Variants in NOS2 observed in about 807,000 individuals in gnomAD.
The protein encoded by NOS2 is nitric oxide synthase 2.
NOS2 carries 96 observed loss-of-function variants against 136.0 expected under a neutral mutation model. The observed-to-expected ratio is 0.71, with a 90% CI of 0.60 to 0.84. The LOEUF (loss-of-function observed/expected upper bound fraction) is 0.84. Ranked by LOEUF, NOS2 falls within the 40% of genes least tolerant of loss-of-function variation. The probability of loss-of-function intolerance (pLI) is 0.00; values close to 1 mark genes in which losing one functional copy is unlikely to be tolerated. For missense variants in NOS2, 1,237 were observed against 1,496.9 expected (o/e 0.83, Z 2.87); for synonymous variants, 539 against 587.5 (o/e 0.92, Z 1.20).
intron 3 of NOS2, 117 bp from the exon 4 acceptor site, chr17:27,789,048 G>A (rs1005688751): frequency 3.5e-5 from 47 of 1,358,092 alleles, no homozygotes; most frequent in Admixed American, 7.0e-5. Context: ...GTCCCTCCAC[G>A]TCCCTCCTCT....
chr17:27,757,528 G>A (rs976288105), intron 26 of NOS2, among the ~76,000 whole-genome samples, 175 bp from the exon 27 acceptor site: 5 of 152,154 alleles, frequency 3.3e-5, no homozygotes, highest in African/African-American at 1.2e-4. Context: ...CTGCTCTGGT[G>A]CGGGCCCTCT....
rs367879866 is a variant in NOS2, at chr17:27,782,020, G to A, written c.717C>T (p.Asn239=). The A allele has an allele frequency of 1.2e-6, 2 of 1,613,832 alleles. No individual in the cohort carries two copies. The highest frequency in any genetic ancestry group is 1.7e-6 in the Non-Finnish European group (2 of 1,179,882). ...CCTGGGAAATGTGCACCGACCTGAT[G>A]TTGCCATTGTTGGTGGAGTAACGCA... is the stretch of plus-strand genomic sequence containing the variant. The part of the protein sequence containing the change: ...RHVRYSTNNG[N]IRSAITVFPQ... The change falls in exon 7 of 27, where the codon AAC becomes AAT. Residue 239 remains asparagine, a synonymous_variant. Coordinates refer to ENST00000313735, the MANE Select transcript of NOS2 (RefSeq NM_000625.4).
chr17:27,784,827 G>A (rs919657828), intron 5 of NOS2, among the ~76,000 whole-genome samples: 1 of 152,174 alleles, frequency 6.6e-6, no homozygotes, highest in Non-Finnish European at 1.5e-5. Context: ...TCCCTGTGAG[G>A]AGAGGCTGCC....
chr17:27,780,107 G>T (rs1908794016), intron 9 of NOS2, among the ~76,000 whole-genome samples: 3 of 152,302 alleles, frequency 2.0e-5, no homozygotes, highest in Admixed American at 2.0e-4. Context: ...TAGCTTGAGT[G>T]GTCAGAGAGC....
chr17:27,777,332 G>A (rs1210816983), intron 11 of NOS2, among the ~76,000 whole-genome samples: 1 of 152,230 alleles, frequency 6.6e-6, no homozygotes, highest in Non-Finnish European at 1.5e-5. Context: ...CAATGGCTGT[G>A]GCTTCTAAAG....
In NOS2 at chr17:27,787,790, T is replaced by A; in HGVS notation, c.355A>T (p.Ile119Phe). The A allele has an allele frequency of 6.2e-7, 1 of 1,613,206 alleles. No homozygotes were observed. The highest frequency in any genetic ancestry group is 8.5e-7 in the Non-Finnish European group (1 of 1,179,642). Residue 119 changes from isoleucine (I) to phenylalanine (F), a missense_variant, in exon 5 of 27, where the codon ATT (isoleucine) becomes TTT (phenylalanine). Ile to Phe is a conservative substitution (Grantham distance 21). This residue lies in a region of NOS2 where 440 missense variants were observed against 545.4 expected (regional missense o/e 0.81). Transcript: ENST00000313735. ...TCRSKSCLGS[I>F]MTPKSLTRGP... ...CTGGTCAAACTTTTGGGAGTCATAATGGACCCCAGGCAAGATTTGGACCTG... is the reference window on the plus strand; with the variant it reads ...CTGGTCAAACTTTTGGGAGTCATAAAGGACCCCAGGCAAGATTTGGACCTG...
At chr17:27,789,537 G>C in intron 3 of NOS2, 67 bp downstream of exon 3, 1 of 1,241,244 alleles carries the variant, frequency 8.1e-7, no homozygotes, top group Non-Finnish European at 1.2e-6. Context: ...GCTCTAACAG[G>C]CTGCTATGTC....
intron 17 of NOS2, 131 bp downstream of exon 17, chr17:27,768,846 C>A: frequency 9.7e-7 from 1 of 1,032,838 alleles, no homozygotes; most frequent in Non-Finnish European, 1.4e-6. Flanking sequence ...TGGCCCTGGC[C>A]CATGCCTGGG....
At position 27,769,076 on chromosome 17, in the gene NOS2, C is replaced by T; in HGVS notation, c.1935G>A (p.Leu645=). The change falls in exon 17 of 27, where the codon CTG becomes CTA. Residue 645 remains leucine, a synonymous_variant. Transcript: ENST00000313735. ...TGAGCTGAGAGGCCCCCAGGTGGGA[C>T]AGCTTCTGATCAATGTCATGAGCAA... ...CAFAHDIDQK[L]SHLGASQLTP... is the part of the protein sequence containing the mutation. The T allele has an allele frequency of 6.2e-7, 1 of 1,612,868 alleles. No homozygotes were observed.
intron 3 of NOS2, 135 bp downstream of exon 3, chr17:27,789,469 C>T: frequency 7.2e-6 from 5 of 696,106 alleles, no homozygotes; most frequent in South Asian, 5.1e-5. Context: ...CCCAACACCC[C>T]GGGTCTGGGA....
At chr17:27,780,691 G>T in intron 9 of NOS2, 76 bp downstream of exon 9, 2 of 1,596,588 alleles carry the variant, frequency 1.3e-6, no homozygotes, top group South Asian at 2.2e-5. Context: ...TATGGGGAAG[G>T]CTGGAGCCGC....
chr17:27,788,811 C>T lies in NOS2; in HGVS notation c.316G>A (p.Gly106Arg). The T allele has an allele frequency of 1.2e-6, 2 of 1,613,776 alleles. No homozygotes were observed. The highest frequency in any genetic ancestry group is 2.2e-5 in the South Asian group (2 of 90,970). The change falls in exon 4 of 27, where the codon GGG (glycine) becomes AGG (arginine). Residue 106 changes from glycine (G) to arginine (R), a missense_variant and splice_region_variant. By Grantham distance (125) the Gly-to-Arg change is moderately radical. Around this residue, in one of 3 missense-constraint regions of NOS2, gnomAD observed 440 missense variants for 545.4 expected, o/e 0.81. Coordinates refer to ENST00000313735, the MANE Select transcript of NOS2 (RefSeq NM_000625.4). ...TCTCCCTGAAGCCCCAGACTTACCC[C>T]TTTGGCCTTATGGTGAAGTGTGTCT... ...FQDTLHHKAK[G>R]ILTCRSKSCL...
chr17:27,784,167 C>T (rs1346468522), intron 5 of NOS2, among the ~76,000 whole-genome samples: 1 of 151,236 alleles, frequency 6.6e-6, no homozygotes, highest in Non-Finnish European at 1.5e-5. Context: ...CACACTACCA[C>T]CACCACCAAC....
chr17:27,798,674 A>G (rs1597563160), intron 2 of NOS2, 26 bp downstream of exon 2: 4 of 1,436,888 alleles, frequency 2.8e-6, no homozygotes, highest in Non-Finnish European at 3.9e-6. Context: ...GGAGACAAGC[A>G]GGAGGTTCCC....
chr17:27,798,866 T>C lies in NOS2; in HGVS notation c.-57A>G. 9.4e-7 allele frequency: 1 copy of C among 1,060,180 alleles called. No individual in the cohort carries two copies. The highest frequency in any genetic ancestry group is 1.5e-6 in the Non-Finnish European group (1 of 675,430). The allele number at this position is 1,060,180 out of a possible 1,614,324, so 65.7% of individuals were successfully genotyped here. Reference sequence around the variant, plus strand: ...TCACTTATCTGGATTTGAGCTCAGATGTTCTTCACTGTGGGGCTGAAGAAG... The same window carrying C: ...TCACTTATCTGGATTTGAGCTCAGACGTTCTTCACTGTGGGGCTGAAGAAG... On this transcript the variant is annotated 5_prime_UTR_variant, in exon 2 of 27. Coordinates refer to ENST00000313735, the MANE Select transcript of NOS2 (RefSeq NM_000625.4).
intron 20 of NOS2, 129 bp downstream of exon 20, chr17:27,765,405 CT>C: frequency 1.2e-6 from 1 of 819,940 alleles, no homozygotes; most frequent in Non-Finnish European, 1.9e-6. Flanking sequence ...TTCACATAAG[CT>C]TTGGTGGCCC....
chr17:27,798,441 A>G (rs1161976461), intron 2 of NOS2, among the ~76,000 whole-genome samples: 1 of 149,938 alleles, frequency 6.7e-6, no homozygotes. Context: ...TCCTTCCCAT[A>G]TTCTTCCCCA....
At chr17:27,789,344 G>A (rs1909119406) in intron 3 of NOS2, among the ~76,000 whole-genome samples, 2 of 152,178 alleles carry the variant, frequency 1.3e-5, no homozygotes, top group Admixed American at 6.5e-5. Context: ...TCTCTAGAAT[G>A]GTATGGAACC....
In NOS2 at chr17:27,759,089, A is replaced by T; in HGVS notation, c.3160-14T>A. 1.3e-6 allele frequency: 2 copies of T among 1,566,742 alleles called. No homozygotes were observed. Among genetic ancestry groups the T allele is most frequent in the Non-Finnish European group, 1.7e-6 (2 of 1,156,400 alleles). On this transcript the variant is annotated splice_polypyrimidine_tract_variant and intron_variant, in intron 25 of 26. Transcript: ENST00000313735. The stretch of plus-strand genomic sequence containing the variant: ...CTGAACATAGACCTGAAACCAGAGG[A>T]AACAGTGGGTTCAGTCCTCAGCTGC...
Sources: gnomAD v4.1 joint callset for allele counts (sites outside exome capture counted in the v4.1 genomes callset) on GRCh38, gnomAD v4.1.1 for gene constraint, gnomAD v4.1.1 regional missense constraint, MANE v1.5 for transcripts, NCBI Gene and HGNC (gene_info 2026-07-23, HGNC 2026-07-21) for gene names.